Variants in ASXL2 observed in about 807,000 individuals in gnomAD.
ASXL2 encodes the protein putative Polycomb group protein ASXL2.
In ASXL2, 23 loss-of-function variants were observed where a neutral mutation model predicts 122.0. The observed-to-expected ratio is 0.19, with a 90% CI of 0.14 to 0.27. The LOEUF is 0.27. Among genes scored for constraint, ASXL2 ranks in the 10% least tolerant of loss-of-function variants. The pLI, the probability that ASXL2 is intolerant of heterozygous loss-of-function variation, is 1.00. For synonymous variants in ASXL2, 650 were observed against 637.0 expected (o/e 1.02, Z -0.31); for missense variants, 1,518 against 1,713.8 (o/e 0.89, Z 2.02).
At chr2:25,859,680 C>T (rs185653165) in intron 1 of ASXL2, among the ~76,000 whole-genome samples, 2 of 152,280 alleles carry the variant, frequency 1.3e-5, no homozygotes, top group African/African-American at 4.8e-5. Flanking sequence ...TTTTCTTAAG[C>T]TCACATGGAA....
intron 5 of ASXL2, among the ~76,000 whole-genome samples, chr2:25,786,963 G>A: frequency 6.7e-6 from 1 of 148,284 alleles, no homozygotes; most frequent in East Asian, 1.9e-4. Context: ...TGTAAGTCCT[G>A]GCTGGTACAA....
rs115804389 is a variant in ASXL2, at chr2:25,818,986, C to T, written c.144-12649G>A. Among the ~76,000 whole-genome samples the T allele has an allele frequency of 4.8e-3, 730 of 152,314 alleles. 5 individuals are homozygous for T. The highest frequency in any genetic ancestry group is 0.016 in the African/African-American group (679 of 41,566). ...CAGTGTCCTCGCTTGATGACTCTTC[C>T]TTGCTGGCTTTGAGGAAGCATGTGG... is the stretch of plus-strand genomic sequence containing the variant. On this transcript the variant is annotated intron_variant, in intron 3 of 12. Transcript: ENST00000435504.
chr2:25,872,957 T>C (rs1347703252), intron 1 of ASXL2, among the ~76,000 whole-genome samples: 1 of 151,996 alleles, frequency 6.6e-6, no homozygotes, highest in Non-Finnish European at 1.5e-5. Context: ...TTTTCCCCAA[T>C]AGTTTTTGGG....
chr2:25,768,839 C>T lies in ASXL2; in HGVS notation c.534G>A (p.Gln178=). 4 of 1,613,690 alleles carry T rather than the reference C, an allele frequency of 2.5e-6. No homozygotes were observed. The highest frequency in any genetic ancestry group is 3.4e-6 in the Non-Finnish European group (4 of 1,179,674). Residue 178 remains glutamine (Q), a synonymous_variant, in exon 7 of 13, where the codon CAG becomes CAA. Transcript: ENST00000435504. ...QALKQQQQKK[Q]QQQCRPSISI... is the part of the protein sequence containing the mutation. ...ATATGCTTGGCCTGCATTGCTGCTG[C>T]TGCTTCTTCTGCTGTTGCTGCTTTA...
chr2:25,750,361 GATC>G lies in ASXL2; in HGVS notation c.1192_1194del (p.Asp398del), dbSNP rs781214862. The G allele has an allele frequency of 1.2e-6, 2 of 1,612,862 alleles. No individual in the cohort carries two copies. The highest frequency in any genetic ancestry group is 1.7e-6 in the Non-Finnish European group (2 of 1,179,642). ...TCAGCTGGGGTTTTCTTTACTTTGGGATCACTGGGAGAAGCTGTCAATTTCTTA... is the reference window on the plus strand; with the variant it reads ...TCAGCTGGGGTTTTCTTTACTTTGGGACTGGGAGAAGCTGTCAATTTCTTA... On this transcript the variant is annotated inframe_deletion, in exon 12 of 13. Coordinates refer to ENST00000435504, the MANE Select transcript of ASXL2 (RefSeq NM_018263.6).
At chr2:25,849,321 C>T (rs971918776) in intron 1 of ASXL2, among the ~76,000 whole-genome samples, 4 of 150,296 alleles carry the variant, frequency 2.7e-5, no homozygotes, top group African/African-American at 7.4e-5. Flanking sequence ...TGGCTGGGCG[C>T]CTGTAATCCC....
At chr2:25,817,047 C>T (rs2149179619) in intron 3 of ASXL2, among the ~76,000 whole-genome samples, 1 of 152,250 alleles carries the variant, frequency 6.6e-6, no homozygotes, top group South Asian at 2.1e-4. Context: ...ATTGCTTGAA[C>T]CCAGGAGACG....
chr2:25,843,239 T>C (rs1212715954), intron 2 of ASXL2, among the ~76,000 whole-genome samples: 2 of 150,776 alleles, frequency 1.3e-5, no homozygotes, highest in African/African-American at 2.4e-5. Flanking sequence ...GAGGCGGAGA[T>C]TGCAGTGAGC....
chr2:25,830,046 G>A (rs1472149555), intron 3 of ASXL2, among the ~76,000 whole-genome samples: 1 of 152,200 alleles, frequency 6.6e-6, no homozygotes, highest in Non-Finnish European at 1.5e-5. Flanking sequence ...AGATCAATAA[G>A]AAGCAGCAGA....
At chr2:25,811,693 G>A (rs2089173261) in intron 3 of ASXL2, among the ~76,000 whole-genome samples, 1 of 152,030 alleles carries the variant, frequency 6.6e-6, no homozygotes, top group Non-Finnish European at 1.5e-5. Context: ...ATAGTTAACA[G>A]TTTTATGCCA....
rs2089519657 is a variant in ASXL2 at position 25,837,072 on chromosome 2, T to G, written c.141-1532A>C. Among the ~76,000 whole-genome samples, 2 of 37,850 alleles carry G rather than the reference T, an allele frequency of 5.3e-5. 1 individual carries two copies. Among genetic ancestry groups the G allele is most frequent in the South Asian group, 2.8e-3 (2 of 712 alleles). The allele number at this position is 37,850 out of a possible 152,430, so 24.8% of individuals were successfully genotyped here. ...GACGAGCAAAGCAGGTTAAGGAAAC[T>G]CCAAAGGGGGGTGGGGGGGGGGGGC... is the stretch of plus-strand genomic sequence containing the variant. On this transcript the variant is annotated intron_variant, in intron 2 of 12. Coordinates refer to ENST00000435504, the MANE Select transcript of ASXL2 (RefSeq NM_018263.6).
At position 25,740,111 on chromosome 2, in the gene ASXL2, G is replaced by A. The variant is rs529106000; in HGVS notation, c.*1918C>T. On this transcript the variant is annotated 3_prime_UTR_variant, in exon 13 of 13. Transcript: ENST00000435504. ...GTGTGCTGGAAGAAAGGAGAAAGATGGACAGACATATCGTTCTGGCTGAAG... is the reference window on the plus strand; with the variant it reads ...GTGTGCTGGAAGAAAGGAGAAAGATAGACAGACATATCGTTCTGGCTGAAG... 1 of 225,842 alleles carries A rather than the reference G, an allele frequency of 4.4e-6. No homozygotes were observed. The highest frequency in any genetic ancestry group is 1.8e-4 in the South Asian group (1 of 5,462). The allele number at this position is 225,842 out of a possible 1,614,324, so 14.0% of individuals were successfully genotyped here.
intron 5 of ASXL2, among the ~76,000 whole-genome samples, chr2:25,781,366 T>C (rs1450516300): frequency 6.6e-6 from 1 of 151,262 alleles, no homozygotes; most frequent in Non-Finnish European, 1.5e-5. Flanking sequence ...GCTACTGCAC[T>C]CCAGCCTGGG....
chr2:25,835,827 A>G (rs527731536), intron 2 of ASXL2, among the ~76,000 whole-genome samples: 1 of 152,348 alleles, frequency 6.6e-6, no homozygotes, highest in African/African-American at 2.4e-5. Context: ...TAAAACTGTT[A>G]GGGCATTTAA....
chr2:25,804,801 G>A, intron 4 of ASXL2, among the ~76,000 whole-genome samples: 1 of 152,192 alleles, frequency 6.6e-6, no homozygotes. Context: ...TGTAATCCCA[G>A]CACTTTGGGA....
chr2:25,829,557 A>G (rs560520866), intron 3 of ASXL2, among the ~76,000 whole-genome samples: 1 of 152,228 alleles, frequency 6.6e-6, no homozygotes, highest in East Asian at 1.9e-4. Flanking sequence ...TACTTATTAC[A>G]ATTATTTTCT....
intron 3 of ASXL2, chr2:25,810,576 T>A: frequency 1.4e-6 from 1 of 725,440 alleles, no homozygotes; most frequent in Admixed American, 1.9e-5. Flanking sequence ...GGTGCTCAGC[T>A]CTCTCCTCTG....
chr2:25,771,554 AGTG>A lies in ASXL2; in HGVS notation c.404-17_404-15del. 6.2e-7 allele frequency: 1 copy of A among 1,601,014 alleles called. No individual in the cohort carries two copies. The highest frequency in any genetic ancestry group is 1.7e-4 in the Middle Eastern group (1 of 6,006). ...AGGACGACGATACTAGGGAAAAAAAAGTGACAATAAAAGATTTTTGTTAACAGA... is the reference window on the plus strand; with the variant it reads ...AGGACGACGATACTAGGGAAAAAAAAACAATAAAAGATTTTTGTTAACAGA... On this transcript the variant is annotated splice_polypyrimidine_tract_variant and intron_variant, in intron 5 of 12. Transcript: ENST00000435504.
intron 4 of ASXL2, among the ~76,000 whole-genome samples, chr2:25,804,965 G>A (rs1290018546): frequency 6.6e-6 from 1 of 152,106 alleles, no homozygotes; most frequent in Non-Finnish European, 1.5e-5. Flanking sequence ...CAGGAGAATC[G>A]CTTGAACCCA....
Sources: allele counts gnomAD v4.1 joint callset (sites outside exome capture counted in the v4.1 genomes callset), GRCh38; gene constraint gnomAD v4.1.1; transcripts MANE v1.5; gene names NCBI Gene and HGNC (gene_info 2026-07-23, HGNC 2026-07-21).